SLC22A25: variants seen among roughly 807,000 people sequenced by gnomAD.
SLC22A25 encodes solute carrier family 22 member 25.
In SLC22A25, 44 loss-of-function variants were observed where a neutral mutation model predicts 45.9. The observed-to-expected ratio is 0.96, with a 90% CI of 0.75 to 1.23. The LOEUF (loss-of-function observed/expected upper bound fraction) is 1.23, where lower values mean the gene tolerates loss of function less well. Ranked by LOEUF, SLC22A25 falls within the 50% of genes most tolerant of loss-of-function variation. SLC22A25 has a pLI of 0.00. For synonymous variants in SLC22A25, 283 were observed against 238.6 expected, an observed-to-expected ratio of 1.19 and a Z score of -1.72; for missense variants, 800 against 666.4, an observed-to-expected ratio of 1.20 and a Z score of -2.21.
intron 7 of SLC22A25, among the ~76,000 whole-genome samples, chr11:63,191,320 C>T (rs931337584): frequency 6.6e-6 from 1 of 152,236 alleles, no homozygotes; most frequent in Non-Finnish European, 1.5e-5. Flanking sequence ...ATGAGTGAGG[C>T]TCTGTGGGCA....
chr11:63,184,402 A>G (rs1396433396), intron 7 of SLC22A25, among the ~76,000 whole-genome samples: 2 of 152,114 alleles, frequency 1.3e-5, no homozygotes, highest in African/African-American at 4.8e-5. Flanking sequence ...CTTTCTCTCT[A>G]TCTGAACTTT....
intron 5 of SLC22A25, among the ~76,000 whole-genome samples, chr11:63,222,830 T>A (rs925918648): frequency 2.6e-5 from 4 of 151,756 alleles, no homozygotes; most frequent in African/African-American, 9.7e-5. Context: ...AGTTTTTTTT[T>A]ATCATGAAGC....
At chr11:63,196,945 T>G (rs1329636129) in intron 7 of SLC22A25, among the ~76,000 whole-genome samples, 1 of 151,768 alleles carries the variant, frequency 6.6e-6, no homozygotes, top group Non-Finnish European at 1.5e-5. Flanking sequence ...ATCACAAGCA[T>G]TCCTATACAG....
intron 9 of SLC22A25, among the ~76,000 whole-genome samples, chr11:63,173,962 T>C (rs1324331115): frequency 1.3e-5 from 2 of 151,916 alleles, no homozygotes; most frequent in Admixed American, 6.6e-5. Flanking sequence ...GCCTTTTTGT[T>C]ACATAGGTAT....
At chr11:63,171,477 A>C (rs1270105130) in intron 9 of SLC22A25, among the ~76,000 whole-genome samples, 1 of 152,216 alleles carries the variant, frequency 6.6e-6, no homozygotes, top group African/African-American at 2.4e-5. Context: ...ATACAAAATC[A>C]ATGTGCAAAA....
rs2090190183 is a variant in SLC22A25, at chr11:63,237,886, T to C, written c.-450A>G. ...CAGTGGATGGAAATACTCACTAGTA[T>C]AGTGATCTTTGAACAGAGATGCTCA... On this transcript the variant is annotated 5_prime_UTR_variant, in exon 3 of 12. Transcript: ENST00000306494. 1 of 152,222 alleles carries C rather than the reference T, an allele frequency of 6.6e-6. No individual in the cohort carries two copies. The highest frequency in any genetic ancestry group is 2.4e-5 in the African/African-American group (1 of 41,452). 9.4% of individuals were successfully genotyped at this position (152,222 alleles called of 1,614,324 possible). A position where few individuals can be genotyped will look rare whatever the true frequency, so the allele number is the denominator to read the frequency against.
At chr11:63,216,838 TA>T (rs35008097) in intron 7 of SLC22A25, among the ~76,000 whole-genome samples, 138 of 152,060 alleles carry the variant, frequency 9.1e-4, no homozygotes, top group Middle Eastern at 6.8e-3. Context: ...GATTTTCTTA[TA>T]AAAAAAGTGG....
rs1482705141 is a variant in SLC22A25, at chr11:63,177,871, AT to A, written c.1070+2788del. ...TATATAATGTATATATATAATATATATAATGTATATATATAATATATATATA... is the reference window on the plus strand; with the variant it reads ...TATATAATGTATATATATAATATATAAATGTATATATATAATATATATATA... On this transcript the variant is annotated intron_variant, in intron 9 of 11. Coordinates refer to ENST00000306494, the MANE Select transcript of SLC22A25 (RefSeq NM_199352.6). Among the ~76,000 whole-genome samples the A allele has an allele frequency of 1.6e-4, 23 of 139,802 alleles. 1 individual carries two copies. The highest frequency in any genetic ancestry group is 6.2e-4 in the African/African-American group (23 of 37,266). The allele number at this position is 139,802 out of a possible 152,430, so 91.7% of individuals were successfully genotyped here.
intron 1 of SLC22A25, among the ~76,000 whole-genome samples, chr11:63,239,969 AAATGC>A (rs1480762766): frequency 2.6e-5 from 4 of 152,174 alleles, no homozygotes; most frequent in Non-Finnish European, 5.9e-5. Context: ...ATGCTCTGAG[AAATGC>A]ATTATTATGT....
chr11:63,233,360 T>C (rs1045129077), intron 3 of SLC22A25, among the ~76,000 whole-genome samples: 1 of 152,204 alleles, frequency 6.6e-6, no homozygotes, highest in African/African-American at 2.4e-5. Flanking sequence ...TGGTTTAGTC[T>C]TGGGCGGGTG....
chr11:63,234,459 C>A (rs957872884), intron 3 of SLC22A25, among the ~76,000 whole-genome samples: 1 of 152,126 alleles, frequency 6.6e-6, no homozygotes, highest in South Asian at 2.1e-4. Context: ...AGGATTGCAA[C>A]CCCTGCCTTT....
Position 63,159,331 on chromosome 11 carries a change from G to A in SLC22A25, c.*4493C>T, listed in dbSNP as rs982257752. Among the ~76,000 whole-genome samples the A allele has an allele frequency of 2.6e-5, 4 of 152,118 alleles. No individual in the cohort carries two copies. The highest frequency in any genetic ancestry group is 9.7e-5 in the African/African-American group (4 of 41,420). ...CTCATCTTGAATTATAGCTCCCATA[G>A]TTCCCACCTGTCATGGGAGGGAGCC... is the stretch of plus-strand genomic sequence containing the variant. On this transcript the variant is annotated 3_prime_UTR_variant, in exon 12 of 12. Coordinates refer to ENST00000306494, the MANE Select transcript of SLC22A25 (RefSeq NM_199352.6).
At chr11:63,198,284 T>C (rs575472024) in intron 7 of SLC22A25, among the ~76,000 whole-genome samples, 1 of 152,336 alleles carries the variant, frequency 6.6e-6, no homozygotes, top group East Asian at 1.9e-4. Context: ...CATATGTTTA[T>C]TGTGGCACTA....
Position 63,159,375 on chromosome 11 carries a change from C to A in SLC22A25, c.*4449G>T, listed in dbSNP as rs893484658. 6.6e-6 allele frequency among the ~76,000 whole-genome samples: 1 copy of A among 152,114 alleles called. No individual in the cohort carries two copies. The highest frequency in any genetic ancestry group is 1.5e-5 in the Non-Finnish European group (1 of 68,018). On this transcript the variant is annotated 3_prime_UTR_variant, in exon 12 of 12. Transcript: ENST00000306494. ...GGGAGCCTGTGGGAGGTAATTGAATCATGGGGCCAGGTCTTTCCCGTGCTA... is the reference window on the plus strand; with the variant it reads ...GGGAGCCTGTGGGAGGTAATTGAATAATGGGGCCAGGTCTTTCCCGTGCTA...
intron 2 of SLC22A25, among the ~76,000 whole-genome samples, chr11:63,238,400 G>GC (rs398097574): frequency 5.3e-4 from 19 of 35,940 alleles, no homozygotes; most frequent in Admixed American, 2.9e-3. Context: ...CAACCTCCCA[G>GC]TATTTTTAAT....
chr11:63,183,591 T>C, intron 8 of SLC22A25, 103 bp downstream of exon 8: 1 of 1,472,420 alleles, frequency 6.8e-7, no homozygotes, highest in Non-Finnish European at 9.3e-7. Context: ...GACCCATAAC[T>C]CTACCTGTGT....
At chr11:63,173,085 G>A (rs2087948237) in intron 9 of SLC22A25, among the ~76,000 whole-genome samples, 1 of 152,052 alleles carries the variant, frequency 6.6e-6, no homozygotes, top group Admixed American at 6.6e-5. Flanking sequence ...GGATGAAGCT[G>A]GAAACCATCA....
chr11:63,206,203 G>C (rs1004855789), intron 7 of SLC22A25, among the ~76,000 whole-genome samples: 1 of 152,180 alleles, frequency 6.6e-6, no homozygotes, highest in African/African-American at 2.4e-5. Context: ...AAAGCTGGAA[G>C]CATTCCCTTT....
At chr11:63,195,626 G>A (rs1399768381) in intron 7 of SLC22A25, among the ~76,000 whole-genome samples, 55 of 152,084 alleles carry the variant, frequency 3.6e-4, no homozygotes, top group Non-Finnish European at 1.0e-4. Flanking sequence ...GAAATTTATA[G>A]CACTAAATGC....
Sources: gnomAD v4.1 joint callset for allele counts (sites outside exome capture counted in the v4.1 genomes callset) on GRCh38, gnomAD v4.1.1 for gene constraint, MANE v1.5 for transcripts, NCBI Gene and HGNC (gene_info 2026-07-23, HGNC 2026-07-21) for gene names.